Variants in RASSF5 observed in about 807,000 individuals in gnomAD.
RASSF5 encodes the protein ras association domain-containing protein 5.
A neutral mutation model predicts 40.5 loss-of-function variants in RASSF5; 25 were observed. The ratio of observed to expected loss-of-function variants is 0.62; its 90% CI spans 0.45 to 0.86. The LOEUF (loss-of-function observed/expected upper bound fraction) is 0.86, where lower values mean the gene tolerates loss of function less well. Ranked by LOEUF, RASSF5 falls within the 40% of genes least tolerant of loss-of-function variation. The pLI is 0.00. For synonymous variants in RASSF5, 246 were observed against 252.4 expected (o/e 0.97, Z 0.24); for missense variants, 521 against 572.8 (o/e 0.91, Z 0.92).
At chr1:206,568,349 G>A (rs1213653435) in intron 2 of RASSF5, among the ~76,000 whole-genome samples, 2 of 152,244 alleles carry the variant, frequency 1.3e-5, no homozygotes, top group Non-Finnish European at 2.9e-5. Flanking sequence ...GAGGACTCGT[G>A]TGGGCTGGTG....
At chr1:206,557,105 G>A (rs1308605058) in intron 2 of RASSF5, 1 of 987,440 alleles carries the variant, frequency 1.0e-6, no homozygotes, top group Admixed American at 6.1e-5. Context: ...GGGGAGGCGG[G>A]GGAGGGGCGC....
chr1:206,553,711 G>T (rs576132031), intron 2 of RASSF5, among the ~76,000 whole-genome samples: 16 of 152,178 alleles, frequency 1.1e-4, no homozygotes, highest in Admixed American at 2.0e-4. Context: ...GGGTACACAG[G>T]GGGAGAAGAG....
At chr1:206,580,420 TCAGAGA>T in intron 2 of RASSF5, among the ~76,000 whole-genome samples, 1 of 152,278 alleles carries the variant, frequency 6.6e-6, no homozygotes, top group Middle Eastern at 3.4e-3. Context: ...CCTACATGCG[TCAGAGA>T]CAGAGTGAGT....
intron 2 of RASSF5, chr1:206,557,531 C>G: frequency 6.2e-7 from 1 of 1,610,396 alleles, no homozygotes; most frequent in Non-Finnish European, 8.5e-7. Context: ...CAAGCCCGGC[C>G]CCCTTGATGC....
intron 2 of RASSF5, among the ~76,000 whole-genome samples, chr1:206,555,044 G>T (rs1553401558): frequency 6.6e-6 from 1 of 152,204 alleles, no homozygotes; most frequent in African/African-American, 2.4e-5. Flanking sequence ...AATGGGCATA[G>T]TACCTGCTCT....
intron 2 of RASSF5, among the ~76,000 whole-genome samples, chr1:206,540,135 C>T (rs571618360): frequency 6.0e-4 from 92 of 152,328 alleles, no homozygotes; most frequent in African/African-American, 2.0e-3. Context: ...TGCTGCTAGC[C>T]GGCCTGTTTT....
chr1:206,582,251 CA>C (rs1379774017), intron 2 of RASSF5, among the ~76,000 whole-genome samples: 2 of 152,176 alleles, frequency 1.3e-5, no homozygotes, highest in Non-Finnish European at 2.9e-5. Flanking sequence ...AGGTGAGGGC[CA>C]TTGACCTCAA....
intron 2 of RASSF5, among the ~76,000 whole-genome samples, chr1:206,564,830 G>A (rs1427018442): frequency 1.3e-5 from 2 of 152,118 alleles, no homozygotes; most frequent in African/African-American, 2.4e-5. Context: ...CACGAATCAG[G>A]AGCACTTGAT....
In RASSF5 at chr1:206,507,965, G is replaced by A; in HGVS notation, c.363G>A (p.Glu121=). The A allele has an allele frequency of 2.0e-6, 3 of 1,536,672 alleles. No homozygotes were observed. Among genetic ancestry groups the A allele is most frequent in the Middle Eastern group, 1.8e-4 (1 of 5,630 alleles). ...CCAGAGTCCCGGCGGAGCGAGGCGA[G>A]GGGCACTGCTTCGCCGAGTTGGTGC... ...QDPRVPAERG[E]GHCFAELVLP... is the part of the protein sequence containing the mutation. Residue 121 remains glutamate, a synonymous_variant, in exon 1 of 6, where the codon GAG becomes GAA. Coordinates refer to ENST00000579436, the MANE Select transcript of RASSF5 (RefSeq NM_182663.4).
chr1:206,508,354 A>ACT (rs1275517577), intron 1 of RASSF5, among the ~76,000 whole-genome samples: 3 of 149,078 alleles, frequency 2.0e-5, no homozygotes, highest in African/African-American at 7.5e-5. Context: ...ACACACACAC[A>ACT]CTCGCACACA....
At chr1:206,518,847 A>C (rs1160010053) in intron 1 of RASSF5, among the ~76,000 whole-genome samples, 3 of 149,972 alleles carry the variant, frequency 2.0e-5, no homozygotes, top group Non-Finnish European at 4.4e-5. Context: ...CGTCTTAATC[A>C]GGGTCCCTGA....
chr1:206,549,524 C>T (rs1019282587), intron 2 of RASSF5, among the ~76,000 whole-genome samples: 23 of 152,154 alleles, frequency 1.5e-4, no homozygotes, highest in African/African-American at 5.3e-4. Context: ...GTTGCCCAGG[C>T]TGGTCTTGAA....
chr1:206,530,917 T>C (rs1358181772), intron 1 of RASSF5, among the ~76,000 whole-genome samples: 1 of 152,218 alleles, frequency 6.6e-6, no homozygotes, highest in Non-Finnish European at 1.5e-5. Context: ...ACTGATGGGG[T>C]GTGCACAGAC....
In RASSF5 at chr1:206,507,774, G is replaced by T. The variant is rs574913315; in HGVS notation, c.172G>T (p.Glu58Ter). 3.6e-6 allele frequency: 5 copies of T among 1,397,320 alleles called. No homozygotes were observed. Among genetic ancestry groups the T allele is most frequent in the Non-Finnish European group, 4.6e-6 (5 of 1,085,994 alleles). 86.6% of individuals were successfully genotyped at this position (1,397,320 alleles called of 1,614,324 possible). Reference sequence around the variant, plus strand: ...CCTCTCCACTGCGCCCGGGGCGCGCGAGGGGCGCAGCGCCCGGAGGGCTGC... The same window carrying T: ...CCTCTCCACTGCGCCCGGGGCGCGCTAGGGGCGCAGCGCCCGGAGGGCTGC... The part of the protein sequence containing the change: ...APLSTAPGAR[E>*]GRSARRAARG... The change falls in exon 1 of 6, where the codon GAG becomes TAG. Residue 58 changes from glutamate (E) to a stop codon, truncating the protein, a stop_gained. Coordinates refer to ENST00000579436, the MANE Select transcript of RASSF5 (RefSeq NM_182663.4). LOFTEE classifies it high-confidence loss of function.
chr1:206,584,380 C>T lies in RASSF5; in HGVS notation c.691-7C>T, dbSNP rs370014803. 6.2e-7 allele frequency: 1 copy of T among 1,605,552 alleles called. No individual in the cohort carries two copies. Among genetic ancestry groups the T allele is most frequent in the Admixed American group, 1.7e-5 (1 of 59,592 alleles). On this transcript the variant is annotated splice_region_variant and splice_polypyrimidine_tract_variant and intron_variant, in intron 3 of 5. Coordinates refer to ENST00000579436, the MANE Select transcript of RASSF5 (RefSeq NM_182663.4). The surrounding 1 kb of genome is among the most constrained non-coding windows in gnomAD (Gnocchi z 4.9). ...CCTGACCCCCTGTGACATGCCCCCG[C>T]TGGCAGAGTGAAGACGGCACCTACA...
chr1:206,510,792 C>T (rs1288186926), intron 1 of RASSF5, among the ~76,000 whole-genome samples: 1 of 152,178 alleles, frequency 6.6e-6, no homozygotes, highest in Non-Finnish European at 1.5e-5. Flanking sequence ...TTGCACCCAG[C>T]AGAGTGCCAG....
chr1:206,517,464 C>T (rs1215868416), intron 1 of RASSF5, among the ~76,000 whole-genome samples: 3 of 152,030 alleles, frequency 2.0e-5, no homozygotes, highest in Admixed American at 6.5e-5. Flanking sequence ...AGAGCAAGAT[C>T]CTGTCTCAAA....
intron 1 of RASSF5, among the ~76,000 whole-genome samples, chr1:206,511,015 C>CT (rs1233525942): frequency 1.3e-5 from 2 of 152,204 alleles, no homozygotes; most frequent in African/African-American, 4.8e-5. Flanking sequence ...CACTGTCTGC[C>CT]TTTTTAGCAA....
chr1:206,529,764 T>TA (rs1667188865), intron 1 of RASSF5: 5 of 403,790 alleles, frequency 1.2e-5, no homozygotes, highest in African/African-American at 3.1e-5. Flanking sequence ...AATTTTTCCT[T>TA]CAAAAAAAAA....
Sources: allele counts gnomAD v4.1 joint callset (sites outside exome capture counted in the v4.1 genomes callset), GRCh38; gene constraint gnomAD v4.1.1; non-coding constraint Gnocchi (gnomAD v3.1); transcripts MANE v1.5; gene names NCBI Gene and HGNC (gene_info 2026-07-23, HGNC 2026-07-21).